Variants in VWC2L observed in about 807,000 individuals in gnomAD.
VWC2L encodes von Willebrand factor C domain containing 2 like.
A neutral mutation model predicts 21.6 loss-of-function variants in VWC2L; 10 were observed. That is an observed-to-expected ratio of 0.46 (90% CI 0.29 to 0.78). The LOEUF is 0.78. Ranked by LOEUF, VWC2L falls within the 30% of genes least tolerant of loss-of-function variation. VWC2L has a pLI of 0.10. For missense variants in VWC2L, 209 were observed against 277.1 expected, an observed-to-expected ratio of 0.75 and a Z score of 1.74; for synonymous variants, 96 against 94.3, an observed-to-expected ratio of 1.02 and a Z score of -0.10.
chr2:214,533,615 G>A (rs1354235308), intron 3 of VWC2L, among the ~76,000 whole-genome samples: 2 of 150,814 alleles, frequency 1.3e-5, no homozygotes, highest in Non-Finnish European at 2.9e-5. Flanking sequence ...AGGATCCAAC[G>A]CTCAAAGACA....
intron 2 of VWC2L, among the ~76,000 whole-genome samples, chr2:214,430,536 A>T (rs954602084): frequency 7.2e-5 from 11 of 151,762 alleles, no homozygotes; most frequent in African/African-American, 2.2e-4. Context: ...AATATGCTGA[A>T]TTTTTTTTTA....
intron 2 of VWC2L, among the ~76,000 whole-genome samples, chr2:214,425,733 A>G (rs1702511091): frequency 6.6e-6 from 1 of 152,226 alleles, no homozygotes; most frequent in Admixed American, 6.5e-5. Context: ...CCTTTCATAT[A>G]GAGAAGCGGT....
At chr2:214,498,343 C>T (rs887396431) in intron 3 of VWC2L, among the ~76,000 whole-genome samples, 1 of 152,108 alleles carries the variant, frequency 6.6e-6, no homozygotes, top group African/African-American at 2.4e-5. Flanking sequence ...AGGGGAAAGA[C>T]ATAAAGTGTG....
At chr2:214,573,070 G>A (rs1690175815) in intron 3 of VWC2L, among the ~76,000 whole-genome samples, 1 of 152,172 alleles carries the variant, frequency 6.6e-6, no homozygotes, top group Non-Finnish European at 1.5e-5. Context: ...AGCATATGCA[G>A]AAAGGGGTGG....
In VWC2L at chr2:214,468,683, A is replaced by C. The variant is rs376730278; in HGVS notation, c.520+31925A>C. Among the ~76,000 whole-genome samples the C allele has an allele frequency of 3.3e-5, 5 of 152,316 alleles. No individual in the cohort carries two copies. In the South Asian group the frequency reaches 1.0e-3, roughly 32 times the overall value. On this transcript the variant is annotated intron_variant, in intron 3 of 3. Transcript: ENST00000312504. ...ACTTTATCACTCAGTTTCATGCCAA[A>C]TGCTGAGAATTAGAACGTATAATGA...
At position 214,470,916 on chromosome 2, in the gene VWC2L, C is replaced by CAAAAA. The variant is rs56041924; in HGVS notation, c.520+34181_520+34185dup. On this transcript the variant is annotated intron_variant, in intron 3 of 3. Coordinates refer to ENST00000312504, the MANE Select transcript of VWC2L (RefSeq NM_001080500.4). Reference sequence around the variant, plus strand: ...TGGGCAACAGAGTGAAACTCCATCTCAAAAAAAAAAAAAAAAAAAAAAAAA... The same window carrying CAAAAA: ...TGGGCAACAGAGTGAAACTCCATCTCAAAAAAAAAAAAAAAAAAAAAAAAAAAAAA... 9.3e-4 allele frequency among the ~76,000 whole-genome samples: 47 copies of CAAAAA among 50,794 alleles called. 6 individuals carry two copies. Among genetic ancestry groups the CAAAAA allele is most frequent in the East Asian group, 2.8e-3 (4 of 1,436 alleles). 33.3% of individuals were successfully genotyped at this position (50,794 alleles called of 152,430 possible). A position where few individuals can be genotyped will look rare whatever the true frequency, so the allele number is the denominator to read the frequency against.
intron 3 of VWC2L, among the ~76,000 whole-genome samples, chr2:214,530,317 A>C (rs12329152): frequency 0.14 from 20,649 of 152,166 alleles, 1,691 homozygotes; most frequent in East Asian, 0.26. Context: ...GAGGAGAGAA[A>C]AGTTAATGCT....
At chr2:214,560,799 T>C (rs148683863) in intron 3 of VWC2L, among the ~76,000 whole-genome samples, 1 of 152,322 alleles carries the variant, frequency 6.6e-6, no homozygotes, top group East Asian at 1.9e-4. Flanking sequence ...CAAGCTGTCA[T>C]GTGGGCTAAA....
rs1212079419 is a variant in VWC2L at position 214,575,663 on chromosome 2, G to A, written c.521-9G>A. ...TTAATCAACTAATCAATGTATCTGT[G>A]TGTTTCAGGTCCAAACTGCTTTGCA... On this transcript the variant is annotated splice_polypyrimidine_tract_variant and intron_variant, in intron 3 of 3. Coordinates refer to ENST00000312504, the MANE Select transcript of VWC2L (RefSeq NM_001080500.4). 2 of 1,612,864 alleles carry A rather than the reference G, an allele frequency of 1.2e-6. No homozygotes were observed. The highest frequency in any genetic ancestry group is 2.2e-5 in the South Asian group (2 of 91,034).
intron 3 of VWC2L, among the ~76,000 whole-genome samples, chr2:214,457,345 A>G (rs1024109055): frequency 1.3e-5 from 2 of 152,072 alleles, no homozygotes; most frequent in Admixed American, 6.6e-5. Context: ...TAGAAACACT[A>G]TTGATTTTTA....
At chr2:214,496,375 T>C (rs73989020) in intron 3 of VWC2L, among the ~76,000 whole-genome samples, 34,856 of 151,874 alleles carry the variant, frequency 0.23, 4,104 homozygotes, top group Admixed American at 0.27. Flanking sequence ...CATGACTTGG[T>C]TTTAAACTCA....
intron 3 of VWC2L, among the ~76,000 whole-genome samples, chr2:214,516,047 G>T (rs1689136409): frequency 6.6e-6 from 1 of 152,076 alleles, no homozygotes; most frequent in Non-Finnish European, 1.5e-5. Flanking sequence ...CATAGGTGAT[G>T]GTGTGCTGCA....
At chr2:214,537,901 CTT>C (rs35664504) in intron 3 of VWC2L, among the ~76,000 whole-genome samples, 291 of 135,608 alleles carry the variant, frequency 2.1e-3, no homozygotes, top group African/African-American at 3.3e-3. Flanking sequence ...GGATAGTGGC[CTT>C]TTTTTTTTTT....
intron 1 of VWC2L, among the ~76,000 whole-genome samples, chr2:214,413,609 G>T (rs1365195606): frequency 6.6e-6 from 1 of 152,050 alleles, no homozygotes; most frequent in South Asian, 2.1e-4. Flanking sequence ...CTTTATAGTA[G>T]CTCCTTCCTA....
intron 3 of VWC2L, among the ~76,000 whole-genome samples, chr2:214,530,959 C>A (rs1297956866): frequency 6.6e-6 from 1 of 152,160 alleles, no homozygotes; most frequent in African/African-American, 2.4e-5. Flanking sequence ...ACAAAAAATT[C>A]AGCAATGTCA....
intron 3 of VWC2L, among the ~76,000 whole-genome samples, chr2:214,465,468 C>G (rs368416188): frequency 6.6e-5 from 10 of 152,168 alleles, no homozygotes; most frequent in Admixed American, 5.2e-4. Context: ...CAGGACTCTG[C>G]CTGGTGCCCT....
rs55864016 is a variant in VWC2L, at chr2:214,563,546, CAAAAAAAAAAAAAAAAAAAA to C, written c.521-12110_521-12091del. On this transcript the variant is annotated intron_variant, in intron 3 of 3. Coordinates refer to ENST00000312504, the MANE Select transcript of VWC2L (RefSeq NM_001080500.4). ...TGGGTGACACAGCAAGACTCCGTCT[CAAAAAAAAAAAAAAAAAAAA>C]AAAAAAAAAAAAAAATCAAGTGGTT... Among the ~76,000 whole-genome samples, 6 of 95,894 alleles carry C rather than the reference CAAAAAAAAAAAAAAAAAAAA, an allele frequency of 6.3e-5. 1 individual carries two copies. Among genetic ancestry groups the C allele is most frequent in the Non-Finnish European group, 1.2e-4 (6 of 48,214 alleles). 62.9% of individuals were successfully genotyped at this position (95,894 alleles called of 152,430 possible).
intron 3 of VWC2L, among the ~76,000 whole-genome samples, chr2:214,458,723 TAC>T (rs1213496443): frequency 6.6e-6 from 1 of 152,162 alleles, no homozygotes; most frequent in Non-Finnish European, 1.5e-5. Context: ...GATGTATTTG[TAC>T]AGTTTCCACA....
At chr2:214,468,011 A>G (rs1378690052) in intron 3 of VWC2L, among the ~76,000 whole-genome samples, 2 of 152,010 alleles carry the variant, frequency 1.3e-5, no homozygotes, top group Non-Finnish European at 2.9e-5. Flanking sequence ...ATAATATATT[A>G]TGAGGTTTTA....
Sources: gnomAD v4.1 joint callset for allele counts (sites outside exome capture counted in the v4.1 genomes callset) on GRCh38, gnomAD v4.1.1 for gene constraint, MANE v1.5 for transcripts, NCBI Gene and HGNC (gene_info 2026-07-23, HGNC 2026-07-21) for gene names.